Variants in FAM117B observed in about 807,000 individuals in gnomAD.
FAM117B encodes the protein family with sequence similarity 117 member B.
A neutral mutation model predicts 52.8 loss-of-function variants in FAM117B; 22 were observed. The observed-to-expected ratio is 0.42, with a 90% CI of 0.30 to 0.59. FAM117B has a LOEUF of 0.59. Ranked by LOEUF, FAM117B falls within the 20% of genes least tolerant of loss-of-function variation. FAM117B has a pLI of 0.22. For synonymous variants in FAM117B, 309 were observed against 324.1 expected, an observed-to-expected ratio of 0.95 and a Z score of 0.50; for missense variants, 678 against 802.6, an observed-to-expected ratio of 0.84 and a Z score of 1.88.
intron 1 of FAM117B, among the ~76,000 whole-genome samples, chr2:202,672,855 T>C (rs1690319200): frequency 6.6e-6 from 1 of 151,836 alleles, no homozygotes. Flanking sequence ...GGCAACATCA[T>C]GGCAAGGCTT....
In FAM117B at chr2:202,642,759, G is replaced by C. The variant is rs113392684; in HGVS notation, c.601+6971G>C. Among the ~76,000 whole-genome samples the C allele has an allele frequency of 4.8e-3, 738 of 152,270 alleles. 5 individuals carry two copies. Among genetic ancestry groups the C allele is most frequent in the African/African-American group, 0.017 (694 of 41,552 alleles). Reference sequence around the variant, plus strand: ...TTCATTTAACATGTACATCATGCTAGGCATTTACATGTGGGCAACACTCGA... The same window carrying C: ...TTCATTTAACATGTACATCATGCTACGCATTTACATGTGGGCAACACTCGA... On this transcript the variant is annotated intron_variant, in intron 1 of 7. Transcript: ENST00000392238.
At chr2:202,756,634 G>A (rs1691804087) in intron 5 of FAM117B, among the ~76,000 whole-genome samples, 1 of 151,914 alleles carries the variant, frequency 6.6e-6, no homozygotes, top group African/African-American at 2.4e-5. Context: ...TGCTTGATGG[G>A]GTACAGATTC....
intron 2 of FAM117B, among the ~76,000 whole-genome samples, chr2:202,703,561 G>T (rs1174521379): frequency 6.6e-6 from 1 of 152,092 alleles, no homozygotes; most frequent in African/African-American, 2.4e-5. Context: ...TTTCTATGTT[G>T]CCCGGGCTGG....
chr2:202,674,586 G>C (rs1241741169), intron 1 of FAM117B, among the ~76,000 whole-genome samples: 1 of 152,232 alleles, frequency 6.6e-6, no homozygotes, highest in Non-Finnish European at 1.5e-5. Context: ...CCAACGTCTT[G>C]AGTTGCTGTA....
Position 202,635,184 on chromosome 2 carries a change from G to A in FAM117B, c.-4G>A, listed in dbSNP as rs989545969. 9 of 1,278,580 alleles carry A rather than the reference G, an allele frequency of 7.0e-6. No homozygotes were observed. Among genetic ancestry groups the A allele is most frequent in the Admixed American group, 8.0e-5 (2 of 24,934 alleles). The allele number at this position is 1,278,580 out of a possible 1,614,324, so 79.2% of individuals were successfully genotyped here. On this transcript the variant is annotated 5_prime_UTR_variant, in exon 1 of 8. Transcript: ENST00000392238. ...TCGCCCAGTCACCGGGGAGGGGGGG[G>A]ACCATGTCCCAGCGGGTGAGGCGCA...
rs1185524899 is a variant in FAM117B, at chr2:202,731,362, T to TATATATATATATATATATATATAC, written c.960+5005_960+5006insATATATATATATATATACATATAT. Among the ~76,000 whole-genome samples the TATATATATATATATATATATATAC allele has an allele frequency of 4.6e-5, 6 of 131,338 alleles. No homozygotes were observed. The Admixed American group carries it at 4.7e-4, about 10-fold the overall frequency. The allele number at this position is 131,338 out of a possible 152,430, so 86.2% of individuals were successfully genotyped here. A position where few individuals can be genotyped will look rare whatever the true frequency, so the allele number is the denominator to read the frequency against. On this transcript the variant is annotated intron_variant, in intron 4 of 7. Transcript: ENST00000392238. ...ATATATATATATATATATATATATA[T>TATATATATATATATATATATATAC]ATATATGGAGAGAGAGAGAAGCTCC...
At chr2:202,693,379 C>A (rs542760826) in intron 1 of FAM117B, among the ~76,000 whole-genome samples, 1 of 152,114 alleles carries the variant, frequency 6.6e-6, no homozygotes, top group Non-Finnish European at 1.5e-5. Context: ...GAAGCTGAGG[C>A]GGGCGAGTCA....
intron 1 of FAM117B, among the ~76,000 whole-genome samples, chr2:202,655,761 A>AGAGAGAGAGAGAGT (rs1690046684): frequency 1.0e-5 from 1 of 100,372 alleles, no homozygotes; most frequent in African/African-American, 3.4e-5. Context: ...AGAGAGAGAG[A>AGAGAGAGAGAGAGT]GTGTGTGTGT....
intron 1 of FAM117B, among the ~76,000 whole-genome samples, chr2:202,691,429 AAAT>A (rs1574557414): frequency 6.6e-6 from 1 of 152,058 alleles, no homozygotes; most frequent in East Asian, 1.9e-4. Flanking sequence ...CCCAAAAAAG[AAAT>A]AATAATAATC....
chr2:202,660,412 G>A (rs947251326), intron 1 of FAM117B, among the ~76,000 whole-genome samples: 1 of 152,038 alleles, frequency 6.6e-6, no homozygotes, highest in African/African-American at 2.4e-5. Flanking sequence ...CACAGTCTTT[G>A]CAGTACTATT....
chr2:202,635,100 C>G lies in FAM117B; in HGVS notation c.-88C>G, dbSNP rs1689654122. ...GCTTCGTCACCCCGTCTTGGGGGGC[C>G]TGCCCTCCGGCCTCGAGAATCCTCC... is the stretch of plus-strand genomic sequence containing the variant. On this transcript the variant is annotated 5_prime_UTR_variant, in exon 1 of 8. Transcript: ENST00000392238. 2 of 1,249,664 alleles carry G rather than the reference C, an allele frequency of 1.6e-6. No individual in the cohort carries two copies. The highest frequency in any genetic ancestry group is 1.6e-5 in the African/African-American group (1 of 64,372). 77.4% of individuals were successfully genotyped at this position (1,249,664 alleles called of 1,614,324 possible). A position where few individuals can be genotyped will look rare whatever the true frequency, so the allele number is the denominator to read the frequency against.
At chr2:202,686,419 A>C (rs1690537866) in intron 1 of FAM117B, among the ~76,000 whole-genome samples, 1 of 152,250 alleles carries the variant, frequency 6.6e-6, no homozygotes, top group African/African-American at 2.4e-5. Flanking sequence ...TTTACCCAAG[A>C]AAAATGAAAA....
In FAM117B at chr2:202,634,979, C is replaced by G. The variant is rs1559090396; in HGVS notation, c.-209C>G. ...GGGGGCGGGGGCAGCAGAGGAGACA[C>G]TATTGTTGATGAGGAGCGGCGGCGG... On this transcript the variant is annotated 5_prime_UTR_variant, in exon 1 of 8. Coordinates refer to ENST00000392238, the MANE Select transcript of FAM117B (RefSeq NM_173511.4). 6.7e-6 allele frequency among the ~76,000 whole-genome samples: 1 copy of G among 149,518 alleles called. No individual in the cohort carries two copies. Among genetic ancestry groups the G allele is most frequent in the East Asian group, 1.9e-4 (1 of 5,182 alleles).
intron 1 of FAM117B, among the ~76,000 whole-genome samples, chr2:202,640,757 A>G (rs1409144918): frequency 6.6e-6 from 1 of 151,824 alleles, no homozygotes; most frequent in Non-Finnish European, 1.5e-5. Context: ...CTACAGGTAC[A>G]TGCCACTATG....
At chr2:202,732,912 G>A (rs1028297333) in intron 4 of FAM117B, among the ~76,000 whole-genome samples, 18 of 148,572 alleles carry the variant, frequency 1.2e-4, no homozygotes, top group Admixed American at 6.7e-4. Flanking sequence ...CATAACATAC[G>A]ATTCCATTCT....
chr2:202,682,584 C>T (rs892940976), intron 1 of FAM117B, among the ~76,000 whole-genome samples: 11 of 152,128 alleles, frequency 7.2e-5, no homozygotes, highest in South Asian at 4.1e-4. Context: ...GGAAATATCC[C>T]GCTTCAACAG....
At chr2:202,734,901 C>T (rs572565305) in intron 4 of FAM117B, among the ~76,000 whole-genome samples, 21 of 151,958 alleles carry the variant, frequency 1.4e-4, no homozygotes, top group African/African-American at 4.1e-4. Context: ...TAAGAAAAGT[C>T]GAATAGAAAA....
At position 202,723,637 on chromosome 2, in the gene FAM117B, G is replaced by GT. The variant is rs537862890; in HGVS notation, c.754-1279dup. On this transcript the variant is annotated intron_variant, in intron 2 of 7. Coordinates refer to ENST00000392238, the MANE Select transcript of FAM117B (RefSeq NM_173511.4). ...AGCTGCACAGTACTCTGTTATAAAGGTATACCATAATTTATTTAGCCAAAC... is the reference window on the plus strand; with the variant it reads ...AGCTGCACAGTACTCTGTTATAAAGGTTATACCATAATTTATTTAGCCAAAC... Among the ~76,000 whole-genome samples the GT allele has an allele frequency of 3.1e-3, 477 of 152,162 alleles. 11 individuals are homozygous for GT. Among genetic ancestry groups the GT allele is most frequent in the Admixed American group, 0.028 (428 of 15,284 alleles).
chr2:202,729,669 A>G (rs56328318), intron 4 of FAM117B, among the ~76,000 whole-genome samples: 12,551 of 152,192 alleles, frequency 0.082, 1,731 homozygotes, highest in African/African-American at 0.28. Flanking sequence ...TTTATTTGGA[A>G]AAGGATGGAG....
Sources: gnomAD v4.1 joint callset for allele counts (sites outside exome capture counted in the v4.1 genomes callset) on GRCh38, gnomAD v4.1.1 for gene constraint, MANE v1.5 for transcripts, NCBI Gene and HGNC (gene_info 2026-07-23, HGNC 2026-07-21) for gene names.